The following PCDH9 variants were observed in gnomAD, a reference collection of about 807,000 sequenced individuals.
PCDH9 encodes the protein protocadherin-9.
A neutral mutation model predicts 70.6 loss-of-function variants in PCDH9; 24 were observed. The observed-to-expected ratio is 0.34, with a 90% confidence interval of 0.25 to 0.48. The LOEUF (loss-of-function observed/expected upper bound fraction) is 0.48, where lower values mean the gene tolerates loss of function less well. Ranked by LOEUF, PCDH9 falls within the 20% of genes least tolerant of loss-of-function variation. The probability of loss-of-function intolerance (pLI) is 0.99; values close to 1 mark genes in which losing one functional copy is unlikely to be tolerated. For synonymous variants in PCDH9, 562 were observed against 558.5 expected (o/e 1.01, Z -0.09); for missense variants, 1,281 against 1,503.6 (o/e 0.85, Z 2.45).
intron 3 of PCDH9, among the ~76,000 whole-genome samples, chr13:66,827,373 A>AAG (rs2080843445): frequency 2.6e-5 from 4 of 151,514 alleles, no homozygotes; most frequent in Admixed American, 1.3e-4. Context: ...AAAAAAAAAA[A>AAG]AGAAAAAAAA....
chr13:66,537,844 T>C (rs1960772698), intron 4 of PCDH9, among the ~76,000 whole-genome samples: 1 of 152,128 alleles, frequency 6.6e-6, no homozygotes, highest in Admixed American at 6.6e-5. Context: ...AACATTTTTG[T>C]TAAATGTTCA....
intron 2 of PCDH9, among the ~76,000 whole-genome samples, chr13:67,197,146 A>T (rs1275757869): frequency 6.6e-6 from 1 of 152,080 alleles, no homozygotes; most frequent in African/African-American, 2.4e-5. Context: ...AGGAGTCTAA[A>T]TTTAAAATTG....
At chr13:66,308,897 T>A (rs113650441) in intron 4 of PCDH9, among the ~76,000 whole-genome samples, 74 of 151,908 alleles carry the variant, frequency 4.9e-4, no homozygotes, top group Admixed American at 4.8e-3. Context: ...CAGCAAAAAA[T>A]AAAAACAAAA....
intron 4 of PCDH9, among the ~76,000 whole-genome samples, chr13:66,628,188 C>G (rs1403123629): frequency 2.6e-5 from 4 of 152,144 alleles, no homozygotes; most frequent in Non-Finnish European, 5.9e-5. Context: ...GATGAACTTA[C>G]CAACCATCAA....
chr13:67,139,030 A>C (rs1339621185), intron 2 of PCDH9, among the ~76,000 whole-genome samples: 3 of 152,218 alleles, frequency 2.0e-5, no homozygotes, highest in African/African-American at 7.2e-5. Context: ...TACCTGTATC[A>C]GGAAGGAAAT....
Position 66,488,447 on chromosome 13 carries a change from A to G in PCDH9, c.3340+142763T>C, listed in dbSNP as rs184887673. ...AATTGGTATTACAAAGCCCAGGGAA[A>G]AAACCAAACAACATATTATTTTTAA... On this transcript the variant is annotated intron_variant, in intron 4 of 4. Transcript: ENST00000377865. Among the ~76,000 whole-genome samples, 12 of 152,344 alleles carry G rather than the reference A, an allele frequency of 7.9e-5. 3 individuals carry two copies. The highest frequency in any genetic ancestry group is 2.9e-4 in the African/African-American group (12 of 41,586).
chr13:66,691,260 A>C (rs2078481058), intron 3 of PCDH9, among the ~76,000 whole-genome samples: 1 of 152,080 alleles, frequency 6.6e-6, no homozygotes, highest in South Asian at 2.1e-4. Context: ...CTGGTCTCGA[A>C]TTCCTGACCT....
At chr13:66,962,225 C>T (rs898703988) in intron 2 of PCDH9, among the ~76,000 whole-genome samples, 1 of 152,110 alleles carries the variant, frequency 6.6e-6, no homozygotes, top group Non-Finnish European at 1.5e-5. Flanking sequence ...TGATGTATGA[C>T]TAAGAATTTT....
chr13:66,575,632 T>G (rs1027133120), intron 4 of PCDH9, among the ~76,000 whole-genome samples: 2 of 152,158 alleles, frequency 1.3e-5, no homozygotes, highest in African/African-American at 2.4e-5. Context: ...TTCCTTCTTC[T>G]CACTGTGTGG....
chr13:66,374,697 C>T (rs1370414273), intron 4 of PCDH9, among the ~76,000 whole-genome samples: 1 of 152,010 alleles, frequency 6.6e-6, no homozygotes, highest in Non-Finnish European at 1.5e-5. Context: ...ATCAAACTTC[C>T]ACCTCCCAAA....
At chr13:66,820,470 C>A (rs181697665) in intron 3 of PCDH9, among the ~76,000 whole-genome samples, 156 of 152,198 alleles carry the variant, frequency 1.0e-3, no homozygotes, top group African/African-American at 3.1e-3. Context: ...GACAGAAATG[C>A]CATTCGACCC....
intron 4 of PCDH9, among the ~76,000 whole-genome samples, chr13:66,402,639 C>A (rs1321477358): frequency 3.9e-5 from 6 of 151,990 alleles, no homozygotes; most frequent in Admixed American, 3.9e-4. Context: ...AATTCAAATT[C>A]TTATTAATGC....
At chr13:66,434,718 A>G (rs1284155761) in intron 4 of PCDH9, among the ~76,000 whole-genome samples, 2 of 152,062 alleles carry the variant, frequency 1.3e-5, no homozygotes. Context: ...CAAGCACTCT[A>G]GCTTTACTTG....
At chr13:66,667,888 A>T (rs1487828679) in intron 3 of PCDH9, among the ~76,000 whole-genome samples, 1 of 152,194 alleles carries the variant, frequency 6.6e-6, no homozygotes, top group East Asian at 1.9e-4. Flanking sequence ...GTGGGGAAAA[A>T]ACCTGCAAAT....
intron 2 of PCDH9, among the ~76,000 whole-genome samples, chr13:67,104,942 C>T (rs1484577776): frequency 1.3e-5 from 2 of 152,196 alleles, no homozygotes; most frequent in Non-Finnish European, 2.9e-5. Context: ...GAAATAAAAA[C>T]CACTTCCTCT....
chr13:66,647,182 G>A (rs1860280503), intron 3 of PCDH9, among the ~76,000 whole-genome samples: 1 of 152,096 alleles, frequency 6.6e-6, no homozygotes, highest in Non-Finnish European at 1.5e-5. Flanking sequence ...AGTGGACTTG[G>A]GGAGTAGGTG....
At chr13:66,776,649 A>T (rs1366393948) in intron 3 of PCDH9, among the ~76,000 whole-genome samples, 2 of 152,230 alleles carry the variant, frequency 1.3e-5, no homozygotes, top group Non-Finnish European at 2.9e-5. Flanking sequence ...CAAATGGAAG[A>T]ACATTCCATG....
chr13:67,055,790 T>C (rs748094659), intron 2 of PCDH9, among the ~76,000 whole-genome samples: 42 of 152,070 alleles, frequency 2.8e-4, no homozygotes, highest in Admixed American at 5.2e-4. Context: ...GAGTGAGACC[T>C]TGTATCCAAA....
At chr13:66,626,051 A>G (rs2077494118) in intron 4 of PCDH9, among the ~76,000 whole-genome samples, 1 of 152,132 alleles carries the variant, frequency 6.6e-6, no homozygotes, top group South Asian at 2.1e-4. Flanking sequence ...AAAGTTGTAC[A>G]GCTATCATGA....
Sources: allele counts gnomAD v4.1 joint callset (sites outside exome capture counted in the v4.1 genomes callset), GRCh38; gene constraint gnomAD v4.1.1; transcripts MANE v1.5; gene names NCBI Gene and HGNC (gene_info 2026-07-23, HGNC 2026-07-21).